TRDN: variants seen among roughly 807,000 people sequenced by gnomAD.
TRDN encodes triadin in skeletal muscle.
In TRDN, 161 loss-of-function variants were observed where a neutral mutation model predicts 149.7. That is an observed-to-expected ratio of 1.08 (90% CI 0.95 to 1.23). The LOEUF (loss-of-function observed/expected upper bound fraction) is 1.23, where lower values mean the gene tolerates loss of function less well. Among genes scored for constraint, TRDN ranks in the 50% most tolerant of loss-of-function variants. The probability of loss-of-function intolerance (pLI) is 0.00; values close to 1 mark genes in which losing one functional copy is unlikely to be tolerated. For synonymous variants in TRDN, 294 were observed against 250.5 expected, an observed-to-expected ratio of 1.17 and a Z score of -1.64; for missense variants, 896 against 823.5, an observed-to-expected ratio of 1.09 and a Z score of -1.08.
chr6:123,320,657 A>G (rs1376573383), intron 23 of TRDN, among the ~76,000 whole-genome samples: 7 of 152,142 alleles, frequency 4.6e-5, no homozygotes, highest in Non-Finnish European at 1.5e-5. Flanking sequence ...TAAAGTTGCT[A>G]CTGATAGAAT....
At chr6:123,533,930 T>C (rs778981122) in intron 4 of TRDN, among the ~76,000 whole-genome samples, 1 of 152,160 alleles carries the variant, frequency 6.6e-6, no homozygotes, top group Non-Finnish European at 1.5e-5. Flanking sequence ...GCAGTTATTT[T>C]TTACTCTATG....
chr6:123,352,593 A>G lies in TRDN; in HGVS notation c.1322-7T>C. 1 of 1,609,910 alleles carries G rather than the reference A, an allele frequency of 6.2e-7. No homozygotes were observed. The highest frequency in any genetic ancestry group is 8.5e-7 in the Non-Finnish European group (1 of 1,177,902). ...TCCTTCTTTCCAGGTACAGCTGCAA[A>G]ACAAAGATAAGGTTTAAAGAAGAGT... is the stretch of plus-strand genomic sequence containing the variant. On this transcript the variant is annotated splice_region_variant and splice_polypyrimidine_tract_variant and intron_variant, in intron 20 of 40. Transcript: ENST00000334268.
rs760549842 is a variant in TRDN, at chr6:123,571,123, G to A, written c.32C>T (p.Ser11Phe). The part of the protein sequence containing the change: MTEITAEGNA[S>F]TTTTVIDSKN... Reference sequence around the variant, plus strand: ...GCTGTCTATCACAGTTGTGGTTGTAGATGCATTTCCTAATCAAACATTCAG... The same window carrying A: ...GCTGTCTATCACAGTTGTGGTTGTAAATGCATTTCCTAATCAAACATTCAG... The change falls in exon 2 of 41, where the codon TCT (serine) becomes TTT (phenylalanine). Residue 11 changes from serine to phenylalanine, a missense_variant. Transcript: ENST00000334268. 3.7e-6 allele frequency: 6 copies of A among 1,613,698 alleles called. No homozygotes were observed. The African/African-American group carries it at 8.0e-5, about 22-fold the overall frequency.
chr6:123,608,760 A>T (rs1449801490), intron 1 of TRDN, among the ~76,000 whole-genome samples: 6 of 152,232 alleles, frequency 3.9e-5, no homozygotes, highest in African/African-American at 1.4e-4. Context: ...GGGAAAATTT[A>T]TCATTATGTC....
Position 123,419,464 on chromosome 6 carries a change from C to G in TRDN, c.1051+18599G>C, listed in dbSNP as rs556471522. ...TGATAACTTACTGCAGCCTCTATTT[C>G]CTGGGTTCAAATGATGCCCCTGCCT... On this transcript the variant is annotated intron_variant, in intron 12 of 40. Coordinates refer to ENST00000334268, the MANE Select transcript of TRDN (RefSeq NM_006073.4). 3.9e-5 allele frequency among the ~76,000 whole-genome samples: 6 copies of G among 152,208 alleles called. 1 individual carries two copies. In the South Asian group the frequency reaches 1.2e-3, roughly 32 times the overall value.
At chr6:123,432,888 C>T (rs1462181912) in intron 12 of TRDN, among the ~76,000 whole-genome samples, 1 of 151,794 alleles carries the variant, frequency 6.6e-6, no homozygotes, top group Non-Finnish European at 1.5e-5. Context: ...CTTTATTTTC[C>T]ACCATTGAAT....
At position 123,267,899 on chromosome 6, in the gene TRDN, C is replaced by G. The variant is rs560097623; in HGVS notation, c.1739-148G>C. On this transcript the variant is annotated intron_variant, in intron 31 of 40. Transcript: ENST00000334268. ...AATTTGAAACAAAGAAAGCATATTG[C>G]CATAAAAAAATTATAAACAGGGTTA... 2.4e-5 allele frequency: 15 copies of G among 613,350 alleles called. No homozygotes were observed. The South Asian group carries it at 3.9e-4, about 16-fold the overall frequency. 38.0% of individuals were successfully genotyped at this position (613,350 alleles called of 1,614,324 possible).
chr6:123,385,410 C>T (rs1243133328), intron 14 of TRDN, among the ~76,000 whole-genome samples: 2 of 139,668 alleles, frequency 1.4e-5, no homozygotes, highest in African/African-American at 2.7e-5. Flanking sequence ...GGCGACAGAG[C>T]GAGACTCCAT....
At chr6:123,220,748 T>A (rs576730206) in intron 40 of TRDN, among the ~76,000 whole-genome samples, 1 of 151,766 alleles carries the variant, frequency 6.6e-6, no homozygotes, top group African/African-American at 2.4e-5. Flanking sequence ...CACTGGAGAA[T>A]CAAGAGACGT....
At chr6:123,478,324 A>AC (rs1777593353) in intron 9 of TRDN, among the ~76,000 whole-genome samples, 1 of 152,128 alleles carries the variant, frequency 6.6e-6, no homozygotes, top group Non-Finnish European at 1.5e-5. Context: ...GATATATCCC[A>AC]CAGAAGAGGC....
chr6:123,576,121 T>G (rs1782842484), intron 1 of TRDN, among the ~76,000 whole-genome samples: 1 of 152,152 alleles, frequency 6.6e-6, no homozygotes, highest in Non-Finnish European at 1.5e-5. Flanking sequence ...CCCAAATTAC[T>G]TTAAGAACAT....
chr6:123,256,951 G>A (rs1776585294), intron 35 of TRDN, among the ~76,000 whole-genome samples: 1 of 149,598 alleles, frequency 6.7e-6, no homozygotes, highest in South Asian at 2.1e-4. Flanking sequence ...TATGGTTTTA[G>A]GTCTCACATT....
chr6:123,461,546 G>A lies in TRDN; in HGVS notation c.931+3360C>T, dbSNP rs556806747. Among the ~76,000 whole-genome samples the A allele has an allele frequency of 2.0e-5, 3 of 152,216 alleles. No individual in the cohort carries two copies. The South Asian group carries it at 6.2e-4, about 32-fold the overall frequency. The stretch of plus-strand genomic sequence containing the variant: ...ACTAAATGCCCAATAATTACATGTG[G>A]GTGAAAGTAGTGGGAAAGAAATTAT... On this transcript the variant is annotated intron_variant, in intron 10 of 40. Transcript: ENST00000334268.
At chr6:123,331,760 A>G (rs1489738514) in intron 23 of TRDN, 119 bp downstream of exon 23, 8 of 589,074 alleles carry the variant, frequency 1.4e-5, no homozygotes, top group Non-Finnish European at 2.2e-5. Flanking sequence ...TTGCTTAAAA[A>G]CATATGAAGG....
chr6:123,399,156 A>C (rs1217502106), intron 12 of TRDN, among the ~76,000 whole-genome samples: 1 of 152,212 alleles, frequency 6.6e-6, no homozygotes, highest in Non-Finnish European at 1.5e-5. Context: ...AAAAAGAAAG[A>C]ATTTGGATGC....
intron 9 of TRDN, among the ~76,000 whole-genome samples, chr6:123,484,768 T>C (rs1777906834): frequency 6.6e-6 from 1 of 152,196 alleles, no homozygotes. Context: ...GGAGACAAAA[T>C]TCTAAAATTG....
chr6:123,410,516 T>C (rs1368511077), intron 12 of TRDN, among the ~76,000 whole-genome samples: 1 of 152,198 alleles, frequency 6.6e-6, no homozygotes, highest in Non-Finnish European at 1.5e-5. Context: ...TCTTCACTTA[T>C]TGAAACTAAA....
At chr6:123,280,000 G>T (rs1464356727) in intron 24 of TRDN, among the ~76,000 whole-genome samples, 1 of 152,106 alleles carries the variant, frequency 6.6e-6, no homozygotes, top group African/African-American at 2.4e-5. Context: ...AGACAACAAA[G>T]AACAGTGATA....
chr6:123,628,602 T>G (rs1341236966), intron 1 of TRDN, among the ~76,000 whole-genome samples: 2 of 152,190 alleles, frequency 1.3e-5, no homozygotes, highest in African/African-American at 4.8e-5. Flanking sequence ...TTCATTTTCT[T>G]TGAAAAATGC....
Sources: allele counts gnomAD v4.1 joint callset (sites outside exome capture counted in the v4.1 genomes callset), GRCh38; gene constraint gnomAD v4.1.1; transcripts MANE v1.5; gene names NCBI Gene and HGNC (gene_info 2026-07-23, HGNC 2026-07-21).